AATF: variants seen among roughly 807,000 people sequenced by gnomAD.
AATF encodes protein AATF.
AATF carries 48 observed loss-of-function variants against 63.7 expected under a neutral mutation model. The observed-to-expected ratio is 0.75, with a 90% CI of 0.60 to 0.96. AATF has a LOEUF of 0.96. Ranked by LOEUF, AATF falls within the 40% of genes least tolerant of loss-of-function variation. The probability of loss-of-function intolerance (pLI) is 0.00; values close to 1 mark genes in which losing one functional copy is unlikely to be tolerated. For synonymous variants in AATF, 258 were observed against 247.7 expected (o/e 1.04, Z -0.39); for missense variants, 639 against 685.7 (o/e 0.93, Z 0.76).
rs1307761006 is a variant in AATF at position 36,953,762 on chromosome 17, C to T, written c.695-8C>T. On this transcript the variant is annotated splice_polypyrimidine_tract_variant and splice_region_variant and intron_variant, in intron 3 of 11. Transcript: ENST00000619387. ...TTGAGGAATGGGATTCTCTTTTCTT[C>T]TTTTCAGCACTGTGGGACCAGCTCT... The T allele has an allele frequency of 6.2e-7, 1 of 1,605,136 alleles. No homozygotes were observed. Among genetic ancestry groups the T allele is most frequent in the African/African-American group, 1.3e-5 (1 of 74,162 alleles).
chr17:37,013,919 C>G (rs1279455342), intron 8 of AATF, among the ~76,000 whole-genome samples: 2 of 152,144 alleles, frequency 1.3e-5, no homozygotes, highest in Non-Finnish European at 2.9e-5. Flanking sequence ...CTCCCTTCTA[C>G]TTTTTCCCCT....
At chr17:36,965,325 C>T (rs2070982945) in intron 4 of AATF, among the ~76,000 whole-genome samples, 1 of 152,122 alleles carries the variant, frequency 6.6e-6, no homozygotes, top group Admixed American at 6.5e-5. Flanking sequence ...TGCTCATGGT[C>T]CTCTTCCATC....
intron 4 of AATF, among the ~76,000 whole-genome samples, chr17:36,955,300 G>A (rs544836277): frequency 6.6e-6 from 1 of 152,294 alleles, no homozygotes; most frequent in South Asian, 2.1e-4. Flanking sequence ...AATACCTGAT[G>A]TAATTAGGAA....
intron 11 of AATF, among the ~76,000 whole-genome samples, chr17:37,037,346 C>G (rs889150150): frequency 2.0e-5 from 3 of 152,242 alleles, no homozygotes; most frequent in African/African-American, 7.2e-5. Context: ...CAAAGGATCA[C>G]TTGTTTTTGT....
At chr17:37,007,652 C>T (rs981972578) in intron 8 of AATF, among the ~76,000 whole-genome samples, 4 of 152,084 alleles carry the variant, frequency 2.6e-5, no homozygotes, top group East Asian at 1.9e-4. Context: ...ATAACCAGAA[C>T]GCTTGGTGAG....
intron 11 of AATF, among the ~76,000 whole-genome samples, chr17:37,046,725 C>G (rs1286352324): frequency 1.5e-5 from 2 of 131,664 alleles, no homozygotes; most frequent in African/African-American, 6.3e-5. Context: ...ATCCTGTGCT[C>G]CCCCAACACA....
At chr17:37,017,404 G>A (rs1438621082) in intron 8 of AATF, among the ~76,000 whole-genome samples, 1 of 151,860 alleles carries the variant, frequency 6.6e-6, no homozygotes, top group Non-Finnish European at 1.5e-5. Flanking sequence ...GGAACCAGAA[G>A]CCCATTTCTG....
intron 3 of AATF, 35 bp downstream of exon 3, chr17:36,953,331 A>C (rs8067751): frequency 0.053 from 84,693 of 1,586,906 alleles, 5,919 homozygotes; most frequent in African/African-American, 0.35. Context: ...CCTGTTTTTC[A>C]AAGTATCTGC....
chr17:37,008,347 C>T (rs766196857), intron 8 of AATF, among the ~76,000 whole-genome samples: 17 of 152,198 alleles, frequency 1.1e-4, no homozygotes, highest in Non-Finnish European at 2.4e-4. Context: ...GCTCAAGGAA[C>T]TTGTCTTAAA....
chr17:36,964,549 A>T (rs1045010077), intron 4 of AATF, among the ~76,000 whole-genome samples: 7 of 152,182 alleles, frequency 4.6e-5, no homozygotes, highest in Non-Finnish European at 8.8e-5. Flanking sequence ...TTTACAGTGT[A>T]TTACCATGTA....
In AATF at chr17:36,949,202, C is replaced by G. The variant is rs2070832354; in HGVS notation, c.77C>G (p.Ala26Gly). 1.3e-6 allele frequency: 2 copies of G among 1,592,130 alleles called. No individual in the cohort carries two copies. The highest frequency in any genetic ancestry group is 8.5e-7 in the Non-Finnish European group (1 of 1,171,064). ...NPRPSEADPE[A>G]DPEEATAARV... ...CGACCAAGCGAGGCGGACCCTGAAG[C>G]GGACCCCGAGGAAGGTGAGGCCGGA... is the stretch of plus-strand genomic sequence containing the variant. The change falls in exon 1 of 12, where the codon GCG becomes GGG. Residue 26 changes from alanine to glycine, a missense_variant. Coordinates refer to ENST00000619387, the MANE Select transcript of AATF (RefSeq NM_012138.4).
At chr17:36,968,266 CTTTCTTTTTTTTTT>C (rs1409811937) in intron 4 of AATF, among the ~76,000 whole-genome samples, 3,467 of 75,476 alleles carry the variant, frequency 0.046, 482 homozygotes, top group African/African-American at 0.18. Context: ...TTCTTTCCTT[CTTTCTTTTTTTTTT>C]TTTTTTTTTT....
intron 11 of AATF, among the ~76,000 whole-genome samples, chr17:37,039,411 G>A (rs138373030): frequency 1.1e-4 from 16 of 152,152 alleles, no homozygotes; most frequent in Non-Finnish European, 1.5e-4. Flanking sequence ...TTTTACCAGC[G>A]TCATTAAAGG....
intron 4 of AATF, among the ~76,000 whole-genome samples, chr17:36,970,915 T>C (rs997898767): frequency 1.3e-5 from 2 of 152,114 alleles, no homozygotes; most frequent in Admixed American, 6.6e-5. Flanking sequence ...TCATACTTGA[T>C]ATAAAAATTA....
At chr17:37,029,371 G>A (rs1330616141) in intron 10 of AATF, among the ~76,000 whole-genome samples, 2 of 149,178 alleles carry the variant, frequency 1.3e-5, no homozygotes, top group African/African-American at 5.0e-5. Flanking sequence ...AGCCTCCCGA[G>A]TAGCTGGGAT....
chr17:37,013,438 A>G (rs77026185), intron 8 of AATF, among the ~76,000 whole-genome samples: 17,809 of 152,106 alleles, frequency 0.12, 1,315 homozygotes, highest in Non-Finnish European at 0.16. Flanking sequence ...TGCTGCTGGG[A>G]ATTTTGGGCT....
chr17:37,031,621 G>A lies in AATF; in HGVS notation c.1555G>A (p.Val519Ile), dbSNP rs2071552345. 4 of 1,613,954 alleles carry A rather than the reference G, an allele frequency of 2.5e-6. No homozygotes were observed. The highest frequency in any genetic ancestry group is 3.4e-6 in the Non-Finnish European group (4 of 1,179,972). ...GCTTCCTGCTTTATTTAGGTTTCAT[G>A]TCCTTAGCAAGCTACTGAGTTTCAT... ...ASKGRKLRFH[V>I]LSKLLSFMAP... The change falls in exon 11 of 12, where the codon GTC (valine) becomes ATC (isoleucine). Residue 519 changes from valine to isoleucine, a missense_variant. Physicochemically the swap from Val to Ile is conservative, Grantham distance 29. Transcript: ENST00000619387.
intron 4 of AATF, among the ~76,000 whole-genome samples, chr17:36,960,260 C>T (rs2070936497): frequency 6.6e-6 from 1 of 152,190 alleles, no homozygotes; most frequent in Non-Finnish European, 1.5e-5. Flanking sequence ...GATCCACCCG[C>T]CTCGGCCTCC....
rs534733178 is a variant in AATF at position 37,053,671 on chromosome 17, A to G, written c.1620-2930A>G. ...ATCATGAGGTCAAGAGATGGAGACC[A>G]TCCTGGCCAACATGGTAAAACCCCG... is the stretch of plus-strand genomic sequence containing the variant. On this transcript the variant is annotated intron_variant, in intron 11 of 11. Coordinates refer to ENST00000619387, the MANE Select transcript of AATF (RefSeq NM_012138.4). Among the ~76,000 whole-genome samples, 226 of 152,344 alleles carry G rather than the reference A, an allele frequency of 1.5e-3. 1 individual carries two copies. The highest frequency in any genetic ancestry group is 5.3e-3 in the African/African-American group (219 of 41,572).
Sources: gnomAD v4.1 joint callset for allele counts (sites outside exome capture counted in the v4.1 genomes callset) on GRCh38, gnomAD v4.1.1 for gene constraint, MANE v1.5 for transcripts, NCBI Gene and HGNC (gene_info 2026-07-23, HGNC 2026-07-21) for gene names.